The following SCGB2B2 variants were observed in gnomAD, a reference collection of about 807,000 sequenced individuals.
SCGB2B2 encodes the protein secretoglobin-like protein.
A neutral mutation model predicts 7.6 loss-of-function variants in SCGB2B2; 11 were observed. The ratio of observed to expected loss-of-function variants is 1.45; its 90% CI spans 0.91 to 2.40. SCGB2B2 has a LOEUF of 2.40. SCGB2B2 is among the 30% of genes most tolerant of loss of function. The probability of loss-of-function intolerance (pLI) is 0.00; values close to 1 mark genes in which losing one functional copy is unlikely to be tolerated. For missense variants in SCGB2B2, 104 were observed against 115.4 expected, an observed-to-expected ratio of 0.90 and a Z score of 0.45; for synonymous variants, 50 against 48.6, an observed-to-expected ratio of 1.03 and a Z score of -0.12.
At chr19:34,666,674 G>T (rs2146178885) in intron 1 of SCGB2B2, among the ~76,000 whole-genome samples, 2 of 152,312 alleles carry the variant, frequency 1.3e-5, no homozygotes, top group African/African-American at 4.8e-5. Context: ...AATGCCAGAG[G>T]GAGAGGATTC....
intron 1 of SCGB2B2, among the ~76,000 whole-genome samples, chr19:34,610,931 A>C (rs2065910283): frequency 6.6e-6 from 1 of 152,080 alleles, no homozygotes; most frequent in Non-Finnish European, 1.5e-5. Flanking sequence ...AGAATTCTGG[A>C]AGGAAGTCAG....
Position 34,594,738 on chromosome 19 carries a change from G to A in SCGB2B2, c.-175C>T, listed in dbSNP as rs375703872. The A allele has an allele frequency of 1.4e-5, 9 of 653,208 alleles. No individual in the cohort carries two copies. The highest frequency in any genetic ancestry group is 2.5e-5 in the Non-Finnish European group (9 of 357,168). 40.5% of individuals were successfully genotyped at this position (653,208 alleles called of 1,614,324 possible). On this transcript the variant is annotated 5_prime_UTR_variant, in exon 2 of 4. An upstream open reading frame in the 5' UTR gains an earlier in-frame stop. Coordinates refer to ENST00000601241, the MANE Select transcript of SCGB2B2 (RefSeq NM_001025591.4). ...AGGGCAGGTCTGCAGAGAGACCCTC[G>A]GCCCTGGGCCATGCTGTTGGGGTGG...
At chr19:34,611,706 G>A (rs969606988) in intron 1 of SCGB2B2, among the ~76,000 whole-genome samples, 10 of 150,454 alleles carry the variant, frequency 6.6e-5, no homozygotes, top group Admixed American at 5.3e-4. Context: ...CTGGAGTGCA[G>A]TGGCACGATC....
chr19:34,651,820 A>G (rs1043628605), intron 1 of SCGB2B2, among the ~76,000 whole-genome samples: 9 of 151,510 alleles, frequency 5.9e-5, no homozygotes, highest in African/African-American at 2.2e-4. Context: ...TGAGTGGCCA[A>G]AGCAATCCTG....
chr19:34,658,817 A>ACC (rs59493943), intron 1 of SCGB2B2, among the ~76,000 whole-genome samples: 3 of 129,252 alleles, frequency 2.3e-5, no homozygotes, highest in African/African-American at 2.7e-5. Flanking sequence ...CAACAACAAA[A>ACC]AAAAAAAAAA....
intron 1 of SCGB2B2, among the ~76,000 whole-genome samples, chr19:34,668,712 G>A (rs146995247): frequency 3.3e-5 from 5 of 151,508 alleles, no homozygotes; most frequent in Non-Finnish European, 7.4e-5. Flanking sequence ...TGCACCAATC[G>A]ACACTCTGTA....
intron 1 of SCGB2B2, among the ~76,000 whole-genome samples, chr19:34,653,144 A>G (rs1357599070): frequency 2.0e-5 from 3 of 151,280 alleles, no homozygotes; most frequent in Admixed American, 6.6e-5. Context: ...CACATGTGGA[A>G]GTAAAAAAGC....
At position 34,620,077 on chromosome 19, in the gene SCGB2B2, A is replaced by T. The variant is rs1035694224; in HGVS notation, c.-2031-23483T>A. On this transcript the variant is annotated intron_variant, in intron 1 of 3. Transcript: ENST00000601241. ...TAAACCCAGGAAGCAAGAAATCCTA[A>T]ATTGCCTATCAGATACTAGCATTTT... 4.6e-5 allele frequency among the ~76,000 whole-genome samples: 7 copies of T among 152,272 alleles called. No homozygotes were observed. The Middle Eastern group carries it at 0.01, about 222-fold the overall frequency.
chr19:34,606,668 A>C (rs1393338069), intron 1 of SCGB2B2, among the ~76,000 whole-genome samples: 1 of 152,102 alleles, frequency 6.6e-6, no homozygotes, highest in African/African-American at 2.4e-5. Flanking sequence ...GCAGTACAAT[A>C]AGAATTTTCA....
At chr19:34,593,700 G>T in intron 3 of SCGB2B2, 101 bp from the exon 4 acceptor site, 1 of 910,058 alleles carries the variant, frequency 1.1e-6, no homozygotes, top group Non-Finnish European at 1.7e-6. Context: ...AGCTCCTTGA[G>T]TGTGTCTGCT....
At chr19:34,636,189 C>T (rs1285835110) in intron 1 of SCGB2B2, among the ~76,000 whole-genome samples, 1 of 152,204 alleles carries the variant, frequency 6.6e-6, no homozygotes, top group African/African-American at 2.4e-5. Flanking sequence ...GGGTTCATTG[C>T]AAGACTCCTG....
chr19:34,640,548 C>T (rs1056464756), intron 1 of SCGB2B2: 1 of 152,096 alleles, frequency 6.6e-6, no homozygotes, highest in Non-Finnish European at 1.5e-5. Context: ...ATACTTTTAT[C>T]AAATACATGA....
rs193297508 is a variant in SCGB2B2 at position 34,615,648 on chromosome 19, G to A, written c.-2031-19054C>T. 3.3e-5 allele frequency among the ~76,000 whole-genome samples: 5 copies of A among 152,138 alleles called. No homozygotes were observed. The East Asian group carries it at 7.7e-4, about 24-fold the overall frequency. On this transcript the variant is annotated intron_variant, in intron 1 of 3. Transcript: ENST00000601241. Reference sequence around the variant, plus strand: ...TCCTGTAATTTTATTTTCTTGTAGTGTCTTTTGTGTGGATTTGGTATCAAT... The same window carrying A: ...TCCTGTAATTTTATTTTCTTGTAGTATCTTTTGTGTGGATTTGGTATCAAT...
At chr19:34,637,138 G>T (rs1284146710) in intron 1 of SCGB2B2, among the ~76,000 whole-genome samples, 1 of 152,178 alleles carries the variant, frequency 6.6e-6, no homozygotes, top group Admixed American at 6.5e-5. Flanking sequence ...ATGCCACCAG[G>T]AGGGAAGGGG....
chr19:34,610,743 T>C (rs552966560), intron 1 of SCGB2B2, among the ~76,000 whole-genome samples: 53 of 151,776 alleles, frequency 3.5e-4, no homozygotes, highest in African/African-American at 1.2e-3. Flanking sequence ...TTTGTATCTA[T>C]GTTTATTATG....
At chr19:34,614,636 A>G (rs2066021331) in intron 1 of SCGB2B2, among the ~76,000 whole-genome samples, 1 of 152,126 alleles carries the variant, frequency 6.6e-6, no homozygotes, top group Non-Finnish European at 1.5e-5. Context: ...TTTACCAGCA[A>G]GTTATTATGT....
In SCGB2B2 at chr19:34,591,592, C is replaced by T. The variant is rs1161186107; in HGVS notation, c.*1963G>A. 6.6e-6 allele frequency among the ~76,000 whole-genome samples: 1 copy of T among 152,254 alleles called. No homozygotes were observed. The highest frequency in any genetic ancestry group is 1.5e-5 in the Non-Finnish European group (1 of 68,052). ...CACATGGAAAGGATCCACCTTTCTGCAAGGTCCTGCGTGACCTGGCACTTG... is the reference window on the plus strand; with the variant it reads ...CACATGGAAAGGATCCACCTTTCTGTAAGGTCCTGCGTGACCTGGCACTTG... On this transcript the variant is annotated 3_prime_UTR_variant, in exon 4 of 4. Transcript: ENST00000601241.
At chr19:34,619,479 C>T (rs527379599) in intron 1 of SCGB2B2, among the ~76,000 whole-genome samples, 7 of 152,252 alleles carry the variant, frequency 4.6e-5, no homozygotes, top group Middle Eastern at 6.8e-3. Flanking sequence ...AGGATGGTAA[C>T]CTTGGATGCA....
chr19:34,630,417 C>CA (rs2066496466), intron 1 of SCGB2B2, among the ~76,000 whole-genome samples: 1 of 151,746 alleles, frequency 6.6e-6, no homozygotes, highest in Admixed American at 6.6e-5. Context: ...AAATTTACAA[C>CA]AAAAAAACAA....
Sources: gnomAD v4.1 joint callset for allele counts (sites outside exome capture counted in the v4.1 genomes callset) on GRCh38, gnomAD v4.1.1 for gene constraint, MANE v1.5 for transcripts, NCBI Gene and HGNC (gene_info 2026-07-23, HGNC 2026-07-21) for gene names.